SLCO1B1: variants seen among roughly 807,000 people sequenced by gnomAD.
The protein encoded by SLCO1B1 is solute carrier organic anion transporter family member 1B1.
In SLCO1B1, 81 loss-of-function variants were observed where a neutral mutation model predicts 70.1. The ratio of observed to expected loss-of-function variants is 1.16; its 90% CI spans 0.97 to 1.39. The LOEUF is 1.39. Among genes scored for constraint, SLCO1B1 ranks in the 40% most tolerant of loss-of-function variants. The probability of loss-of-function intolerance (pLI) is 0.00; values close to 1 mark genes in which losing one functional copy is unlikely to be tolerated. For missense variants in SLCO1B1, 895 were observed against 799.6 expected (o/e 1.12, Z -1.44); for synonymous variants, 283 against 271.5 (o/e 1.04, Z -0.42).
At chr12:21,172,627 C>T (rs1940769305) in intron 2 of SLCO1B1, 23 bp from the exon 3 acceptor site, 1 of 1,613,146 alleles carries the variant, frequency 6.2e-7, no homozygotes, top group Non-Finnish European at 8.5e-7. Context: ...CCATTTTCCC[C>T]CTTTCCTTCT....
intron 12 of SLCO1B1, among the ~76,000 whole-genome samples, chr12:21,219,880 A>G (rs1479346667): frequency 1.3e-5 from 2 of 152,080 alleles, no homozygotes; most frequent in East Asian, 1.9e-4. Context: ...TCCTGCCTCA[A>G]CCTCCTAAGT....
rs1368111698 is a variant in SLCO1B1 at position 21,202,685 on chromosome 12, G to C, written c.1330G>C (p.Gly444Arg). The part of the protein sequence containing the change: ...SVAGLTMTYD[G>R]NNPVTSHRDV... ...TGCCGGACTAACCATGACCTATGAT[G>C]GGTTTGTATATATCACTATATCAAT... is the stretch of plus-strand genomic sequence containing the variant. The change falls in exon 10 of 15, where the codon GGA (glycine) becomes CGA (arginine). Residue 444 changes from glycine to arginine, a missense_variant and splice_region_variant. Gly to Arg is a moderately radical substitution (Grantham distance 125). Coordinates refer to ENST00000256958, the MANE Select transcript of SLCO1B1 (RefSeq NM_006446.5). 6.2e-7 allele frequency: 1 copy of C among 1,606,866 alleles called. No homozygotes were observed. Among genetic ancestry groups the C allele is most frequent in the Non-Finnish European group, 8.5e-7 (1 of 1,175,006 alleles).
At chr12:21,204,886 T>C (rs776109916) in intron 10 of SLCO1B1, among the ~76,000 whole-genome samples, 8 of 151,756 alleles carry the variant, frequency 5.3e-5, no homozygotes, top group East Asian at 1.9e-4. Context: ...CATGACCTTA[T>C]CACTTTCTAG....
chr12:21,234,376 G>A (rs1249024417), intron 14 of SLCO1B1, among the ~76,000 whole-genome samples: 2 of 152,132 alleles, frequency 1.3e-5, no homozygotes, highest in African/African-American at 2.4e-5. Context: ...GTTAGAGTCA[G>A]AATCTTGTAG....
chr12:21,133,097 C>G (rs1940165372), intron 1 of SLCO1B1, among the ~76,000 whole-genome samples: 1 of 152,128 alleles, frequency 6.6e-6, no homozygotes, highest in African/African-American at 2.4e-5. Context: ...GGAATCCTTT[C>G]CCCATTGCTT....
intron 5 of SLCO1B1, among the ~76,000 whole-genome samples, chr12:21,177,753 A>G (rs4149049): frequency 0.09 from 13,706 of 152,076 alleles, 989 homozygotes; most frequent in South Asian, 0.28. Context: ...AACCTAATAG[A>G]ATAAAACAAC....
chr12:21,239,005 T>C lies in SLCO1B1; in HGVS notation c.1892T>C (p.Met631Thr). 1 of 1,580,862 alleles carries C rather than the reference T, an allele frequency of 6.3e-7. No homozygotes were observed. ...FSRVYLGLSS[M>T]LRVSSLVLYI... Reference sequence around the variant, plus strand: ...AGGGTCTACTTGGGCTTGTCTTCAATGTTAAGAGTCTCATCACTTGTTTTA... The same window carrying C: ...AGGGTCTACTTGGGCTTGTCTTCAACGTTAAGAGTCTCATCACTTGTTTTA... The change falls in exon 15 of 15, where the codon ATG becomes ACG. Residue 631 changes from methionine to threonine, a missense_variant. Coordinates refer to ENST00000256958, the MANE Select transcript of SLCO1B1 (RefSeq NM_006446.5).
intron 2 of SLCO1B1, among the ~76,000 whole-genome samples, chr12:21,149,726 G>A (rs1940440756): frequency 6.6e-6 from 1 of 152,096 alleles, no homozygotes; most frequent in South Asian, 2.1e-4. Flanking sequence ...GATTCCCTCG[G>A]GTGCCTACAC....
In SLCO1B1 at chr12:21,178,666, T is replaced by C. The variant is rs772501469; in HGVS notation, c.572T>C (p.Leu191Ser). Residue 191 changes from leucine (L) to serine (S), a missense_variant, in exon 6 of 15, where the codon TTG (leucine) becomes TCG (serine). Transcript: ENST00000256958. ...ATAGGGGAGACTCCCATAGTACCAT[T>C]GGGGCTTTCTTACATTGATGATTTC... The part of the protein sequence containing the change: ...RGIGETPIVP[L>S]GLSYIDDFAK... 3.1e-6 allele frequency: 5 copies of C among 1,606,772 alleles called. No homozygotes were observed. Among genetic ancestry groups the C allele is most frequent in the Non-Finnish European group, 3.4e-6 (4 of 1,173,302 alleles).
intron 12 of SLCO1B1, among the ~76,000 whole-genome samples, chr12:21,219,570 G>A (rs945065531): frequency 6.6e-6 from 1 of 152,200 alleles, no homozygotes; most frequent in Non-Finnish European, 1.5e-5. Context: ...ATAACTAGAA[G>A]ATCACTCTGG....
At position 21,163,087 on chromosome 12, in the gene SLCO1B1, C is replaced by T. The variant is rs551939887; in HGVS notation, c.85-9563C>T. Among the ~76,000 whole-genome samples the T allele has an allele frequency of 3.9e-5, 6 of 152,154 alleles. No individual in the cohort carries two copies. The East Asian group carries it at 1.2e-3, about 29-fold the overall frequency. ...GGCAACAATATACATCATAGAAAGG[C>T]ATAGATTACAAAGAGAGTATATACA... On this transcript the variant is annotated intron_variant, in intron 2 of 14. Transcript: ENST00000256958.
chr12:21,208,666 ATG>A (rs1941242269), intron 11 of SLCO1B1, among the ~76,000 whole-genome samples: 4 of 152,068 alleles, frequency 2.6e-5, no homozygotes, highest in African/African-American at 9.7e-5. Context: ...GTGAAAAATC[ATG>A]CCGGTTGTTT....
chr12:21,137,299 G>C (rs991085758), intron 1 of SLCO1B1, among the ~76,000 whole-genome samples: 2 of 152,194 alleles, frequency 1.3e-5, no homozygotes, highest in East Asian at 3.9e-4. Flanking sequence ...TGAGGAGGCA[G>C]TCTGCCTGTT....
chr12:21,140,353 A>T (rs1161109766), intron 1 of SLCO1B1, among the ~76,000 whole-genome samples: 1 of 152,082 alleles, frequency 6.6e-6, no homozygotes, highest in Non-Finnish European at 1.5e-5. Flanking sequence ...AGGAGCAAGA[A>T]TGTATTTCTA....
intron 2 of SLCO1B1, among the ~76,000 whole-genome samples, chr12:21,159,983 CAA>C (rs1352650150): frequency 6.7e-6 from 1 of 150,154 alleles, no homozygotes; most frequent in Non-Finnish European, 1.5e-5. Context: ...ATGAAACAAA[CAA>C]AGAGAAAAAC....
At chr12:21,133,512 C>G (rs1272373033) in intron 1 of SLCO1B1, among the ~76,000 whole-genome samples, 2 of 152,090 alleles carry the variant, frequency 1.3e-5, no homozygotes, top group Non-Finnish European at 1.5e-5. Flanking sequence ...TTTCATTGAG[C>G]AGTGGTTTGT....
Position 21,231,527 on chromosome 12 carries a change from A to T in SLCO1B1, c.1865+6688A>T, listed in dbSNP as rs143591776. ...TTTCATGTGGTCATCAAGAGGGGCA[A>T]AAAGACAGACTGAGGAAATAATTCA... On this transcript the variant is annotated intron_variant, in intron 14 of 14. Transcript: ENST00000256958. Among the ~76,000 whole-genome samples, 682 of 152,170 alleles carry T rather than the reference A, an allele frequency of 4.5e-3. 8 individuals are homozygous for T. Among genetic ancestry groups the T allele is most frequent in the Admixed American group, 0.011 (166 of 15,264 alleles).
chr12:21,238,908 T>C, intron 14 of SLCO1B1, 71 bp from the exon 15 acceptor site: 1 of 890,850 alleles, frequency 1.1e-6, no homozygotes, highest in Non-Finnish European at 1.8e-6. Context: ...ATCTGGATAC[T>C]GGAGAAAATG....
At position 21,178,750 on chromosome 12, in the gene SLCO1B1, T is replaced by C. The variant is rs752844491; in HGVS notation, c.628+28T>C. On this transcript the variant is annotated intron_variant, in intron 6 of 14. Coordinates refer to ENST00000256958, the MANE Select transcript of SLCO1B1 (RefSeq NM_006446.5). ...AATGTACACAAAATATTAAATTGTA[T>C]GATCACTTTCCCTTTGTCTACTTTT... 1.3e-5 allele frequency: 20 copies of C among 1,577,012 alleles called. No homozygotes were observed. In the Admixed American group the frequency reaches 3.2e-4, roughly 25 times the overall value.
Sources: gnomAD v4.1 joint callset for allele counts (sites outside exome capture counted in the v4.1 genomes callset) on GRCh38, gnomAD v4.1.1 for gene constraint, MANE v1.5 for transcripts, NCBI Gene and HGNC (gene_info 2026-07-23, HGNC 2026-07-21) for gene names.